The following EGFLAM variants were observed in gnomAD, a reference collection of about 807,000 sequenced individuals.
EGFLAM encodes pikachurin.
EGFLAM carries 79 observed loss-of-function variants against 113.1 expected under a neutral mutation model. That is an observed-to-expected ratio of 0.70 (90% CI 0.58 to 0.84). The LOEUF (loss-of-function observed/expected upper bound fraction) is 0.84, where lower values mean the gene tolerates loss of function less well. Among genes scored for constraint, EGFLAM ranks in the 40% least tolerant of loss-of-function variants. The pLI is 0.00. For missense variants in EGFLAM, 1,265 were observed against 1,291.6 expected (o/e 0.98, Z 0.32); for synonymous variants, 504 against 487.6 (o/e 1.03, Z -0.44).
At chr5:38,401,416 T>A (rs1405549220) in intron 6 of EGFLAM, among the ~76,000 whole-genome samples, 1 of 152,238 alleles carries the variant, frequency 6.6e-6, no homozygotes, top group African/African-American at 2.4e-5. Flanking sequence ...TCTAATGGGA[T>A]GCATGATCTT....
At chr5:38,301,270 A>G (rs768069815) in intron 1 of EGFLAM, among the ~76,000 whole-genome samples, 9 of 152,188 alleles carry the variant, frequency 5.9e-5, no homozygotes, top group Non-Finnish European at 7.4e-5. Flanking sequence ...GGGTTTCCCA[A>G]GGAAACCTGG....
chr5:38,302,318 G>C (rs1758600835), intron 1 of EGFLAM, among the ~76,000 whole-genome samples: 1 of 151,824 alleles, frequency 6.6e-6, no homozygotes, highest in Non-Finnish European at 1.5e-5. Context: ...AGAGTTCCTT[G>C]AGGATAATAA....
At chr5:38,377,846 C>T (rs981269314) in intron 6 of EGFLAM, among the ~76,000 whole-genome samples, 7 of 152,148 alleles carry the variant, frequency 4.6e-5, no homozygotes, top group East Asian at 1.9e-4. Flanking sequence ...TTGCTGATAG[C>T]GGGTTGGTGA....
intron 6 of EGFLAM, 103 bp downstream of exon 6, chr5:38,370,565 A>G (rs541597221): frequency 1.4e-6 from 2 of 1,397,334 alleles, no homozygotes; most frequent in African/African-American, 2.9e-5. Flanking sequence ...ACAGCCTGGA[A>G]AAGGGCTAAC....
chr5:38,264,558 C>T (rs1757585494), intron 1 of EGFLAM, among the ~76,000 whole-genome samples: 2 of 152,134 alleles, frequency 1.3e-5, no homozygotes, highest in Admixed American at 1.3e-4. Context: ...GGCCAGGGAT[C>T]AGGGGTCATC....
At chr5:38,383,338 C>T (rs1044790832) in intron 6 of EGFLAM, among the ~76,000 whole-genome samples, 5 of 150,448 alleles carry the variant, frequency 3.3e-5, no homozygotes, top group Non-Finnish European at 7.4e-5. Context: ...AAAAAGCTGG[C>T]AAATTCAGAA....
intron 11 of EGFLAM, among the ~76,000 whole-genome samples, chr5:38,415,229 G>C (rs542929110): frequency 2.0e-5 from 3 of 152,048 alleles, no homozygotes; most frequent in East Asian, 3.9e-4. Context: ...CAGGCGTGGT[G>C]GTGGGCGCCT....
At position 38,464,150 on chromosome 5, in the gene EGFLAM, C is replaced by G. The variant is rs565002683; in HGVS notation, c.*164C>G. The G allele has an allele frequency of 1.1e-6, 1 of 907,672 alleles. No individual in the cohort carries two copies. The highest frequency in any genetic ancestry group is 2.7e-5 in the East Asian group (1 of 37,384). The allele number at this position is 907,672 out of a possible 1,614,324, so 56.2% of individuals were successfully genotyped here. ...AGAAACTGAGAACCAAGACAGGCAT[C>G]CCTGGGTGGCCTTTCCTGCTGACAC... On this transcript the variant is annotated 3_prime_UTR_variant, in exon 22 of 22. Coordinates refer to ENST00000322350, the MANE Select transcript of EGFLAM (RefSeq NM_152403.4).
chr5:38,329,164 CTG>C (rs1412250461), intron 1 of EGFLAM, among the ~76,000 whole-genome samples: 4 of 151,958 alleles, frequency 2.6e-5, no homozygotes, highest in African/African-American at 9.7e-5. Flanking sequence ...TGGCACGTGA[CTG>C]TAGTCCCAGC....
At chr5:38,326,665 G>C (rs1317421610) in intron 1 of EGFLAM, among the ~76,000 whole-genome samples, 1 of 149,896 alleles carries the variant, frequency 6.7e-6, no homozygotes, top group Non-Finnish European at 1.5e-5. Context: ...GCGTTTTTTT[G>C]TATTTTTTAG....
intron 13 of EGFLAM, among the ~76,000 whole-genome samples, chr5:38,426,071 C>T (rs1741997761): frequency 6.6e-6 from 1 of 151,006 alleles, no homozygotes. Flanking sequence ...CCACTGTACT[C>T]CAATCTGGGT....
intron 6 of EGFLAM, among the ~76,000 whole-genome samples, chr5:38,377,129 T>C (rs1320481886): frequency 4.7e-5 from 4 of 84,944 alleles, no homozygotes; most frequent in Non-Finnish European, 9.9e-5. Flanking sequence ...TGTGTTCTCT[T>C]TTTTTTTTTT....
In EGFLAM at chr5:38,434,389, A is replaced by G. The variant is rs1742281663; in HGVS notation, c.2167-748A>G. 2.6e-5 allele frequency among the ~76,000 whole-genome samples: 4 copies of G among 152,242 alleles called. No homozygotes were observed. In the South Asian group the frequency reaches 8.3e-4, roughly 31 times the overall value. ...ATTCCCTGCTCGCATAAACCCCTGC[A>G]GGGCAGGACTGGGTCTTTCTTATTT... On this transcript the variant is annotated intron_variant, in intron 15 of 21. Transcript: ENST00000322350.
At chr5:38,458,583 G>A (rs1743167939) in intron 20 of EGFLAM, among the ~76,000 whole-genome samples, 189 bp downstream of exon 20, 1 of 152,154 alleles carries the variant, frequency 6.6e-6, no homozygotes, top group Non-Finnish European at 1.5e-5. Flanking sequence ...ATCAGGCCAG[G>A]GAAACTGAAC....
intron 6 of EGFLAM, among the ~76,000 whole-genome samples, chr5:38,382,317 T>C (rs1367020774): frequency 6.6e-6 from 1 of 152,214 alleles, no homozygotes; most frequent in Non-Finnish European, 1.5e-5. Context: ...TGAATGTAGG[T>C]ATACATCACA....
chr5:38,295,903 G>C (rs1758443298), intron 1 of EGFLAM, among the ~76,000 whole-genome samples: 1 of 152,184 alleles, frequency 6.6e-6, no homozygotes, highest in African/African-American at 2.4e-5. Context: ...ATGTGGGGGA[G>C]TACTTGTTAT....
chr5:38,434,282 C>A (rs976345028), intron 15 of EGFLAM, among the ~76,000 whole-genome samples: 1 of 152,184 alleles, frequency 6.6e-6, no homozygotes, highest in South Asian at 2.1e-4. Flanking sequence ...ATGAGACTCC[C>A]GTGTCCGGCA....
Position 38,431,193 on chromosome 5 carries a change from A to G in EGFLAM, c.2071A>G (p.Thr691Ala), listed in dbSNP as rs1037656658. 6.2e-7 allele frequency: 1 copy of G among 1,613,902 alleles called. No individual in the cohort carries two copies. Among genetic ancestry groups the G allele is most frequent in the African/African-American group, 1.3e-5 (1 of 74,862 alleles). The change falls in exon 15 of 22, where the codon ACC becomes GCC. Residue 691 changes from threonine to alanine, a missense_variant. Physicochemically the swap from Thr to Ala is moderately conservative, Grantham distance 58. Transcript: ENST00000322350. ...TGVLRSEDPLTLGNWHELRVS... is the reference protein window; with the variant it reads ...TGVLRSEDPLALGNWHELRVS... ...CTTCCACAGGAGTGAAGATCCCCTC[A>G]CCCTGGGCAACTGGCACGAGCTTCG...
intron 17 of EGFLAM, among the ~76,000 whole-genome samples, chr5:38,446,091 G>C (rs2112248970): frequency 6.6e-6 from 1 of 152,226 alleles, no homozygotes; most frequent in Middle Eastern, 3.4e-3. Flanking sequence ...CCTTGGTTCC[G>C]TTTAGCTCCG....
Sources: allele counts gnomAD v4.1 joint callset (sites outside exome capture counted in the v4.1 genomes callset), GRCh38; gene constraint gnomAD v4.1.1; transcripts MANE v1.5; gene names NCBI Gene and HGNC (gene_info 2026-07-23, HGNC 2026-07-21).